NUP210L: variants seen among roughly 807,000 people sequenced by gnomAD.
NUP210L encodes the protein nucleoporin 210 like, also known as nuclear pore membrane glycoprotein 210-like.
NUP210L carries 74 observed loss-of-function variants against 208.5 expected under a neutral mutation model. That is an observed-to-expected ratio of 0.35 (90% CI 0.29 to 0.43). NUP210L has a LOEUF of 0.43. Ranked by LOEUF, NUP210L falls within the 20% of genes least tolerant of loss-of-function variation. The pLI, the probability that NUP210L is intolerant of heterozygous loss-of-function variation, is 1.00. For missense variants in NUP210L, 1,843 were observed against 2,289.4 expected (o/e 0.81, Z 3.98); for synonymous variants, 780 against 816.9 (o/e 0.95, Z 0.77).
intron 16 of NUP210L, chr1:154,078,844 G>A (rs1251967120): frequency 1.3e-5 from 2 of 152,100 alleles, no homozygotes; most frequent in Non-Finnish European, 2.9e-5. Flanking sequence ...AGCTCCCTAA[G>A]CCAACACTAA....
intron 4 of NUP210L, among the ~76,000 whole-genome samples, chr1:154,140,666 C>CAAAAAAAA (rs1434093544): frequency 8.8e-5 from 9 of 102,420 alleles, no homozygotes; most frequent in Non-Finnish European, 1.1e-4. Context: ...GACTCCATCT[C>CAAAAAAAA]AAAAAAAAAA....
intron 16 of NUP210L, among the ~76,000 whole-genome samples, chr1:154,073,837 T>C: frequency 6.7e-6 from 1 of 149,966 alleles, no homozygotes; most frequent in East Asian, 1.9e-4. Flanking sequence ...AATAAATAAA[T>C]AAATAAATAA....
chr1:154,011,693 T>G (rs542014130), intron 34 of NUP210L, among the ~76,000 whole-genome samples: 116 of 137,288 alleles, frequency 8.4e-4, no homozygotes, highest in Non-Finnish European at 1.2e-3. Context: ...TTTTTTTTTT[T>G]TTTTTTTTTT....
intron 12 of NUP210L, among the ~76,000 whole-genome samples, chr1:154,106,308 C>T (rs1379394563): frequency 2.0e-5 from 3 of 152,068 alleles, no homozygotes; most frequent in Non-Finnish European, 4.4e-5. Flanking sequence ...AGGGCTTTGT[C>T]TTGCAGCTTG....
chr1:154,082,866 G>A (rs1208362249), intron 16 of NUP210L, among the ~76,000 whole-genome samples: 1 of 151,930 alleles, frequency 6.6e-6, no homozygotes, highest in African/African-American at 2.4e-5. Context: ...CTCCCAGTGG[G>A]TTCATCATCT....
At chr1:154,000,819 C>T (rs1331471691) in intron 37 of NUP210L, 37 bp downstream of exon 37, 1 of 1,566,064 alleles carries the variant, frequency 6.4e-7, no homozygotes, top group South Asian at 1.1e-5. Flanking sequence ...TTCTTCTTTT[C>T]CTCTCTAGAT....
At chr1:154,064,388 C>A (rs1332984145) in intron 17 of NUP210L, among the ~76,000 whole-genome samples, 1 of 152,098 alleles carries the variant, frequency 6.6e-6, no homozygotes, top group African/African-American at 2.4e-5. Flanking sequence ...GGGCTTGTTG[C>A]CTTTTTAGAA....
At chr1:154,029,758 T>C in intron 28 of NUP210L, 138 bp downstream of exon 28, 2 of 651,516 alleles carry the variant, frequency 3.1e-6, no homozygotes, top group Non-Finnish European at 2.6e-6. Context: ...TATAAAGATC[T>C]AGGAAGTACA....
intron 27 of NUP210L, among the ~76,000 whole-genome samples, chr1:154,043,464 G>A (rs1282167378): frequency 3.3e-5 from 5 of 151,924 alleles, no homozygotes; most frequent in African/African-American, 7.2e-5. Context: ...ACAGGCATGC[G>A]CCACCACACC....
At chr1:154,134,881 G>A (rs1658456133) in intron 7 of NUP210L, among the ~76,000 whole-genome samples, 1 of 151,666 alleles carries the variant, frequency 6.6e-6, no homozygotes, top group Non-Finnish European at 1.5e-5. Flanking sequence ...GGGATTACAG[G>A]CATGCACCAC....
chr1:154,022,051 CT>C (rs369874353), intron 32 of NUP210L, 74 bp downstream of exon 32: 5,838 of 1,152,650 alleles, frequency 5.1e-3, no homozygotes, highest in Non-Finnish European at 5.8e-3. Flanking sequence ...TTAATAACTG[CT>C]TTTTTTTTTA....
intron 18 of NUP210L, among the ~76,000 whole-genome samples, 193 bp downstream of exon 18, chr1:154,061,378 AAATAATAATAATAAT>A (rs537711266): frequency 6.7e-6 from 1 of 150,068 alleles, no homozygotes; most frequent in Non-Finnish European, 1.5e-5. Flanking sequence ...ACTTCATCTC[AAATAATAATAATAAT>A]AATAATAATA....
intron 37 of NUP210L, chr1:153,995,570 T>C: frequency 1.4e-6 from 1 of 727,620 alleles, no homozygotes; most frequent in Non-Finnish European, 2.5e-6. Context: ...AATCCTCTGC[T>C]ACTTTAAAAT....
At chr1:154,051,885 T>C (rs1185449690) in intron 25 of NUP210L, among the ~76,000 whole-genome samples, 4 of 152,262 alleles carry the variant, frequency 2.6e-5, no homozygotes. Flanking sequence ...CAGGCTATAG[T>C]AGCCAAGCTC....
chr1:154,125,912 C>T (rs1473802569), intron 10 of NUP210L, among the ~76,000 whole-genome samples: 9 of 150,794 alleles, frequency 6.0e-5, no homozygotes, highest in African/African-American at 1.9e-4. Flanking sequence ...GAACTACAGG[C>T]GCCCGCCACC....
intron 12 of NUP210L, among the ~76,000 whole-genome samples, chr1:154,117,391 G>A (rs1657383786): frequency 6.6e-6 from 1 of 152,246 alleles, no homozygotes; most frequent in East Asian, 1.9e-4. Context: ...CACCAGCCTG[G>A]CCAACATGGA....
At chr1:154,136,098 G>A in intron 6 of NUP210L, 126 bp from the exon 7 acceptor site, 1 of 669,816 alleles carries the variant, frequency 1.5e-6, no homozygotes, top group Non-Finnish European at 2.6e-6. Flanking sequence ...TGCTTCTAAT[G>A]TTTTTCCTGC....
intron 16 of NUP210L, among the ~76,000 whole-genome samples, chr1:154,075,256 T>C (rs1654973462): frequency 1.3e-5 from 2 of 152,176 alleles, no homozygotes; most frequent in African/African-American, 4.8e-5. Flanking sequence ...GTATGAGTTG[T>C]ACAGCAATTT....
At chr1:154,048,627 T>G (rs1332721027) in intron 25 of NUP210L, among the ~76,000 whole-genome samples, 2 of 152,306 alleles carry the variant, frequency 1.3e-5, no homozygotes, top group East Asian at 3.9e-4. Context: ...CCCTCACCCC[T>G]GTACAATGTC....
Sources: allele counts gnomAD v4.1 joint callset (sites outside exome capture counted in the v4.1 genomes callset), GRCh38; gene constraint gnomAD v4.1.1; transcripts MANE v1.5; gene names NCBI Gene and HGNC (gene_info 2026-07-23, HGNC 2026-07-21).